EPHA1: variants seen among roughly 807,000 people sequenced by gnomAD.
EPHA1 encodes ephrin type-A receptor 1.
EPHA1 carries 92 observed loss-of-function variants against 110.1 expected under a neutral mutation model. The observed-to-expected ratio is 0.84, with a 90% confidence interval of 0.71 to 0.99. EPHA1 has a LOEUF of 0.99. EPHA1 is among the 50% of genes least tolerant of loss of function. The pLI, the probability that EPHA1 is intolerant of heterozygous loss-of-function variation, is 0.00. For synonymous variants in EPHA1, 500 were observed against 516.1 expected (o/e 0.97, Z 0.42); for missense variants, 1,204 against 1,285.4 (o/e 0.94, Z 0.97).
At chr7:143,400,767 C>T (rs1437467566) in intron 3 of EPHA1, 2 of 156,174 alleles carry the variant, frequency 1.3e-5, no homozygotes, top group Non-Finnish European at 2.8e-5. Flanking sequence ...ATAGATATAG[C>T]TGGCCCTATT....
rs1805351654 is a variant in EPHA1 at position 143,399,333 on chromosome 7, C to A, written c.916G>T (p.Glu306Ter). ...TCACAGGTACAGATGGTGGCCCCCT[C>A]AGACTCAGCAGTGCTCTGCTGGGGG... Reference protein sequence around the residue: ...TCPQQSTAESEGATICTCESG... With the variant: ...TCPQQSTAES Residue 306 changes from glutamate to a stop codon, truncating the protein, a stop_gained, in exon 5 of 18, where the codon GAG (glutamate) becomes TAG (stop). Transcript: ENST00000275815. LOFTEE classifies it high-confidence loss of function. 1 of 1,612,592 alleles carries A rather than the reference C, an allele frequency of 6.2e-7. No individual in the cohort carries two copies. The highest frequency in any genetic ancestry group is 8.5e-7 in the Non-Finnish European group (1 of 1,179,772).
rs1021945867 is a variant in EPHA1, at chr7:143,407,515, T to C, written c.150+96A>G. On this transcript the variant is annotated intron_variant, in intron 2 of 17. Coordinates refer to ENST00000275815, the MANE Select transcript of EPHA1 (RefSeq NM_005232.5). ...TCCCTGAGGAGACACTTCCAGTTTTTCCTGCTCTTTTCTCTGTTCCTCCAC... is the reference window on the plus strand; with the variant it reads ...TCCCTGAGGAGACACTTCCAGTTTTCCCTGCTCTTTTCTCTGTTCCTCCAC... 1.5e-5 allele frequency: 19 copies of C among 1,292,218 alleles called. No homozygotes were observed. The African/African-American group carries it at 2.5e-4, about 17-fold the overall frequency. 80.0% of individuals were successfully genotyped at this position (1,292,218 alleles called of 1,614,324 possible).
chr7:143,395,286 C>T lies in EPHA1; in HGVS notation c.2083+33G>A. 1 of 1,613,858 alleles carries T rather than the reference C, an allele frequency of 6.2e-7. No homozygotes were observed. Among genetic ancestry groups the T allele is most frequent in the Non-Finnish European group, 8.5e-7 (1 of 1,179,902 alleles). On this transcript the variant is annotated intron_variant, in intron 12 of 17. Transcript: ENST00000275815. The surrounding 1 kb of genome is among the most constrained non-coding windows in gnomAD (Gnocchi z 4.7). ...GTTTCACCCCTCTTTCCTGCATTTC[C>T]CGCCCCCAGCTGAGGGAGACCACTC...
intron 10 of EPHA1, chr7:143,396,773 C>G (rs142634125): frequency 2.4e-6 from 1 of 409,642 alleles, no homozygotes; most frequent in East Asian, 4.6e-5. Context: ...ATATTTGCTG[C>G]CTGAGTTGCC....
rs1055061418 is a variant in EPHA1 at position 143,397,794 on chromosome 7, G to A, written c.1615+126C>T. The A allele has an allele frequency of 9.9e-6, 15 of 1,521,558 alleles. No individual in the cohort carries two copies. The East Asian group carries it at 1.6e-4, about 16-fold the overall frequency. 94.3% of individuals were successfully genotyped at this position (1,521,558 alleles called of 1,614,324 possible). A position where few individuals can be genotyped will look rare whatever the true frequency, so the allele number is the denominator to read the frequency against. On this transcript the variant is annotated intron_variant, in intron 8 of 17. Transcript: ENST00000275815. ...AGGTCGGTGTCTGTCCCCTACCCCCGGAAGAAGGGAGTGTGTGTGCATGTG... is the reference window on the plus strand; with the variant it reads ...AGGTCGGTGTCTGTCCCCTACCCCCAGAAGAAGGGAGTGTGTGTGCATGTG...
intron 2 of EPHA1, among the ~76,000 whole-genome samples, chr7:143,406,989 G>A (rs1805568042): frequency 6.6e-6 from 1 of 152,206 alleles, no homozygotes; most frequent in East Asian, 1.9e-4. Context: ...GGAATGCATG[G>A]TGTGCACGCA....
chr7:143,391,539 T>C lies in EPHA1; in HGVS notation c.2853-4A>G. On this transcript the variant is annotated splice_polypyrimidine_tract_variant and splice_region_variant and intron_variant, in intron 17 of 17. Transcript: ENST00000275815. ...GATTCCCATCTGCGTCAGGTCCCTG[T>C]GGGCAAGGAAGGGTGGGGGCATGAG... 1 of 1,614,140 alleles carries C rather than the reference T, an allele frequency of 6.2e-7. No individual in the cohort carries two copies. The highest frequency in any genetic ancestry group is 8.5e-7 in the Non-Finnish European group (1 of 1,180,004).
intron 2 of EPHA1, among the ~76,000 whole-genome samples, chr7:143,406,409 C>T (rs1805549895): frequency 6.6e-6 from 1 of 152,216 alleles, no homozygotes; most frequent in Admixed American, 6.5e-5. Context: ...ATATACCTTG[C>T]CCCATGCAGC....
rs746199367 is a variant in EPHA1 at position 143,401,323 on chromosome 7, C to T, written c.432+1G>A. 3.1e-6 allele frequency: 5 copies of T among 1,613,250 alleles called. No individual in the cohort carries two copies. Among genetic ancestry groups the T allele is most frequent in the Non-Finnish European group, 4.2e-6 (5 of 1,179,694 alleles). ...CCAGATGGCATGGAGGGAAGCAGCACCTTCTGGAACAAGGGCCGTCGGAGC... is the reference window on the plus strand; with the variant it reads ...CCAGATGGCATGGAGGGAAGCAGCATCTTCTGGAACAAGGGCCGTCGGAGC... On this transcript the variant is annotated splice_donor_variant, in intron 3 of 17. Coordinates refer to ENST00000275815, the MANE Select transcript of EPHA1 (RefSeq NM_005232.5). LOFTEE classifies it high-confidence loss of function. The surrounding 1 kb of genome is among the most constrained non-coding windows in gnomAD (Gnocchi z 4.1).
chr7:143,394,837 C>T lies in EPHA1; in HGVS notation c.2323G>A (p.Asp775Asn). The part of the protein sequence containing the change: ...VSDFGLTRLL[D>N]DFDGTYETQG... ...GTTTCGTATGTGCCATCAAAGTCAT[C>T]CAGGAGGCGAGTCAGGCCAAAGTCA... is the stretch of plus-strand genomic sequence containing the variant. The change falls in exon 14 of 18, where the codon GAT (aspartate) becomes AAT (asparagine). Residue 775 changes from aspartate (D) to asparagine (N), a missense_variant. Coordinates refer to ENST00000275815, the MANE Select transcript of EPHA1 (RefSeq NM_005232.5). 6.2e-7 allele frequency: 1 copy of T among 1,614,112 alleles called. No homozygotes were observed. The highest frequency in any genetic ancestry group is 8.5e-7 in the Non-Finnish European group (1 of 1,180,022).
chr7:143,403,168 A>G (rs1441788704), intron 2 of EPHA1, among the ~76,000 whole-genome samples: 1 of 152,210 alleles, frequency 6.6e-6, no homozygotes, highest in African/African-American at 2.4e-5. Flanking sequence ...GGAGTTCGAG[A>G]CCAGCTTGGC....
chr7:143,396,743 A>G, intron 10 of EPHA1: 1 of 466,206 alleles, frequency 2.1e-6, no homozygotes, highest in Non-Finnish European at 3.9e-6. Flanking sequence ...GGCGGTGGCC[A>G]GGATCCACAC....
Position 143,396,451 on chromosome 7 carries a change from C to T in EPHA1, c.1831G>A (p.Gly611Arg). Residue 611 changes from glycine to arginine, a missense_variant, in exon 11 of 18, where the codon GGA becomes AGA. By Grantham distance (125) the Gly-to-Arg change is moderately radical (BLOSUM62 -2). Coordinates refer to ENST00000275815, the MANE Select transcript of EPHA1 (RefSeq NM_005232.5). ...DLQAYEDPAQ[G>R]ALDFTRELDP... ...AGCTCCCGGGTAAAGTCCAGGGCTC[C>T]CTGTGCAGGGTCCTCGTATGCCTGG... The T allele has an allele frequency of 1.2e-6, 2 of 1,614,010 alleles. No individual in the cohort carries two copies. Among genetic ancestry groups the T allele is most frequent in the Non-Finnish European group, 8.5e-7 (1 of 1,179,972 alleles).
chr7:143,394,871 G>A lies in EPHA1; in HGVS notation c.2289C>T (p.Cys763=). The change falls in exon 14 of 18, where the codon TGC becomes TGT. Residue 763 remains cysteine (C), a synonymous_variant. Coordinates refer to ENST00000275815, the MANE Select transcript of EPHA1 (RefSeq NM_005232.5). ...GAGTCAGGCCAAAGTCAGACACCTTGCAGCACAGGTTTTGATTCACCAAGA... is the reference window on the plus strand; with the variant it reads ...GAGTCAGGCCAAAGTCAGACACCTTACAGCACAGGTTTTGATTCACCAAGA... The part of the protein sequence containing the change: ...RNILVNQNLC[C]KVSDFGLTRL... 1.2e-6 allele frequency: 2 copies of A among 1,614,162 alleles called. No individual in the cohort carries two copies. The highest frequency in any genetic ancestry group is 1.7e-6 in the Non-Finnish European group (2 of 1,180,032).
At position 143,395,479 on chromosome 7, in the gene EPHA1, C is replaced by T; in HGVS notation, c.1923G>A (p.Gly641=). ...AGTCCTGGCTGGGGAGCCTCAGGGT[C>T]CCTCGATACACTTCCCCAAACTCTC... The part of the protein sequence containing the change: ...GEGEFGEVYR[G]TLRLPSQDCK... The change falls in exon 12 of 18, where the codon GGG becomes GGA. Residue 641 remains glycine (G), a synonymous_variant. Transcript: ENST00000275815. This position sits in a 1 kb window ranked among gnomAD's most constrained non-coding sequence, Gnocchi z 4.7. The T allele has an allele frequency of 1.9e-6, 3 of 1,614,146 alleles. No homozygotes were observed. Among genetic ancestry groups the T allele is most frequent in the Non-Finnish European group, 2.5e-6 (3 of 1,180,024 alleles).
In EPHA1 at chr7:143,394,756, G is replaced by A. The variant is rs1356031784; in HGVS notation, c.2352+52C>T. On this transcript the variant is annotated intron_variant, in intron 14 of 17. Coordinates refer to ENST00000275815, the MANE Select transcript of EPHA1 (RefSeq NM_005232.5). Reference sequence around the variant, plus strand: ...CCTATATACATGTGACTGTATGAATGGCATGTTACGGGGCAATGTGAATGT... The same window carrying A: ...CCTATATACATGTGACTGTATGAATAGCATGTTACGGGGCAATGTGAATGT... 5.1e-5 allele frequency: 82 copies of A among 1,598,424 alleles called. 1 individual carries two copies. In the Admixed American group the frequency reaches 1.4e-3, roughly 26 times the overall value.
chr7:143,399,393 G>A lies in EPHA1; in HGVS notation c.856C>T (p.Arg286Trp), dbSNP rs149680322. The change falls in exon 5 of 18, where the codon CGG becomes TGG. Residue 286 changes from arginine (R) to tryptophan (W), a missense_variant. By Grantham distance (101) the Arg-to-Trp change is moderately radical. Coordinates refer to ENST00000275815, the MANE Select transcript of EPHA1 (RefSeq NM_005232.5). Reference protein sequence around the residue: ...ACVACPSGSYRMDMDTPHCLT... With the variant: ...ACVACPSGSYWMDMDTPHCLT... ...CAATGGGGTGTGTCCATGTCCATCC[G>A]GTAGGAGCCGCTAGGGCAGGCTGGA... is the stretch of plus-strand genomic sequence containing the variant. The A allele has an allele frequency of 3.8e-5, 60 of 1,594,752 alleles. No homozygotes were observed. Among genetic ancestry groups the A allele is most frequent in the South Asian group, 2.5e-4 (22 of 88,576 alleles).
In EPHA1 at chr7:143,391,628, C is replaced by G. The variant is rs1405700871; in HGVS notation, c.2844G>C (p.Leu948=). ...GLDTMECVLE[L]TAEDLTQMGI... ...CAGCTCCAGCTCCTTACTCAGCGGT[C>G]AGCTCCAGCACACACTCCATGGTGT... Residue 948 remains leucine (L), a synonymous_variant, in exon 17 of 18, where the codon CTG becomes CTC. Transcript: ENST00000275815. 6.2e-7 allele frequency: 1 copy of G among 1,614,052 alleles called. No individual in the cohort carries two copies. Among genetic ancestry groups the G allele is most frequent in the African/African-American group, 1.3e-5 (1 of 74,936 alleles).
Position 143,399,647 on chromosome 7 carries a change from T to C in EPHA1, c.835+4A>G, listed in dbSNP as rs1485871211. 6.2e-7 allele frequency: 1 copy of C among 1,613,018 alleles called. No individual in the cohort carries two copies. The highest frequency in any genetic ancestry group is 8.5e-7 in the Non-Finnish European group (1 of 1,179,980). ...CCTCAGGTTCTCACCGCCTCCGTTC[T>C]TACCAACACATGCTTCGCCACTGCC... On this transcript the variant is annotated splice_donor_region_variant and intron_variant, in intron 4 of 17. Transcript: ENST00000275815.
Sources: gnomAD v4.1 joint callset for allele counts (sites outside exome capture counted in the v4.1 genomes callset) on GRCh38, gnomAD v4.1.1 for gene constraint, Gnocchi (gnomAD v3.1) non-coding constraint, MANE v1.5 for transcripts, NCBI Gene and HGNC (gene_info 2026-07-23, HGNC 2026-07-21) for gene names.